GPR176: variants seen among roughly 807,000 people sequenced by gnomAD.
The protein encoded by GPR176 is G-protein coupled receptor 176.
Under a neutral mutation model 35.4 loss-of-function variants are expected in GPR176, and 26 were observed. The ratio of observed to expected loss-of-function variants is 0.74; its 90% confidence interval spans 0.54 to 1.02. GPR176 has a LOEUF of 1.02. GPR176 is among the 50% of genes least tolerant of loss of function. The pLI is 0.00. For synonymous variants in GPR176, 278 were observed against 271.3 expected (o/e 1.02, Z -0.24); for missense variants, 597 against 665.3 (o/e 0.90, Z 1.13).
intron 1 of GPR176, chr15:39,829,269 T>C: frequency 1.4e-6 from 2 of 1,435,858 alleles, no homozygotes; most frequent in Middle Eastern, 3.8e-4. Context: ...GACTCGGGCA[T>C]CAGAATGGAT....
chr15:39,917,770 G>A (rs1454621727), intron 1 of GPR176, among the ~76,000 whole-genome samples: 3 of 152,000 alleles, frequency 2.0e-5, no homozygotes, highest in Admixed American at 6.6e-5. Flanking sequence ...ACTCCCAGCC[G>A]GGCATAGTGG....
intron 1 of GPR176, among the ~76,000 whole-genome samples, chr15:39,866,468 C>T (rs2031833245): frequency 6.6e-6 from 1 of 152,128 alleles, no homozygotes; most frequent in African/African-American, 2.4e-5. Flanking sequence ...AACTTTTGAA[C>T]ACCGTACATC....
At chr15:39,896,890 TA>T (rs1202927122) in intron 1 of GPR176, among the ~76,000 whole-genome samples, 1 of 152,218 alleles carries the variant, frequency 6.6e-6, no homozygotes, top group Non-Finnish European at 1.5e-5. Flanking sequence ...GAGAGAGGAA[TA>T]GATTTGTGTG....
intron 1 of GPR176, among the ~76,000 whole-genome samples, chr15:39,915,336 C>T (rs2033698274): frequency 2.0e-5 from 3 of 152,150 alleles, no homozygotes; most frequent in Admixed American, 6.5e-5. Flanking sequence ...CTCTCTAGTT[C>T]CTTCTTATAA....
chr15:39,863,905 T>C (rs2031717425), intron 1 of GPR176, among the ~76,000 whole-genome samples: 1 of 152,164 alleles, frequency 6.6e-6, no homozygotes, highest in Non-Finnish European at 1.5e-5. Flanking sequence ...TGTATCCCCA[T>C]GGTTAAGCAA....
In GPR176 at chr15:39,799,138, A is replaced by T. The variant is rs1166919973; in HGVS notation, c.*1994T>A. The T allele has an allele frequency of 7.7e-6, 1 of 130,076 alleles. No individual in the cohort carries two copies. The highest frequency in any genetic ancestry group is 1.6e-5 in the Non-Finnish European group (1 of 62,258). The allele number at this position is 130,076 out of a possible 1,614,324, so 8.1% of individuals were successfully genotyped here. On this transcript the variant is annotated 3_prime_UTR_variant, in exon 3 of 3. Coordinates refer to ENST00000561100, the MANE Select transcript of GPR176 (RefSeq NM_007223.3). ...ACATATATAAGAAACATACCCAACC[A>T]GATTCTGCCTCATCAAAATTTATTA... is the stretch of plus-strand genomic sequence containing the variant.
rs1194277152 is a variant in GPR176 at position 39,919,894 on chromosome 15, T to C, written c.133A>G (p.Thr45Ala). The C allele has an allele frequency of 6.6e-7, 1 of 1,519,234 alleles. No homozygotes were observed. The highest frequency in any genetic ancestry group is 8.8e-7 in the Non-Finnish European group (1 of 1,137,222). The allele number at this position is 1,519,234 out of a possible 1,614,324, so 94.1% of individuals were successfully genotyped here. Reference protein sequence around the residue: ...GEAQLYRQFTTTVQVVIFIGS... With the variant: ...GEAQLYRQFTATVQVVIFIGS... Reference sequence around the variant, plus strand: ...ATGAAGATGACGACCTGCACGGTGGTGGTGAACTGGCGGTACAGCTGCGCC... The same window carrying C: ...ATGAAGATGACGACCTGCACGGTGGCGGTGAACTGGCGGTACAGCTGCGCC... Residue 45 changes from threonine to alanine, a missense_variant, in exon 1 of 3, where the codon ACC becomes GCC. Coordinates refer to ENST00000561100, the MANE Select transcript of GPR176 (RefSeq NM_007223.3).
chr15:39,895,661 CT>C (rs1595515228), intron 1 of GPR176, among the ~76,000 whole-genome samples: 1 of 151,956 alleles, frequency 6.6e-6, no homozygotes, highest in South Asian at 2.1e-4. Context: ...CTTATTTTCC[CT>C]TTTTTTAATG....
intron 1 of GPR176, among the ~76,000 whole-genome samples, chr15:39,846,839 C>T (rs1438289457): frequency 3.3e-5 from 5 of 151,814 alleles, no homozygotes; most frequent in Admixed American, 3.3e-4. Flanking sequence ...ACTGGGATAT[C>T]AGAAAGAAAA....
intron 1 of GPR176, among the ~76,000 whole-genome samples, chr15:39,875,324 A>G (rs1181968167): frequency 6.6e-6 from 1 of 152,254 alleles, no homozygotes; most frequent in Admixed American, 6.5e-5. Context: ...TCATGACAAT[A>G]CAAATTGGAA....
At chr15:39,894,911 A>AC (rs2033052534) in intron 1 of GPR176, among the ~76,000 whole-genome samples, 1 of 152,154 alleles carries the variant, frequency 6.6e-6, no homozygotes, top group Non-Finnish European at 1.5e-5. Flanking sequence ...GCGAGCCGAG[A>AC]TCACGCCACT....
chr15:39,811,745 T>A (rs1423437254), intron 1 of GPR176, among the ~76,000 whole-genome samples: 1 of 151,952 alleles, frequency 6.6e-6, no homozygotes, highest in Non-Finnish European at 1.5e-5. Flanking sequence ...TGAAACCCCG[T>A]CTCTACTAAA....
chr15:39,803,988 C>T (rs1202388261), intron 2 of GPR176, among the ~76,000 whole-genome samples: 4 of 150,896 alleles, frequency 2.7e-5, no homozygotes, highest in African/African-American at 9.9e-5. Context: ...CATGCTTTCA[C>T]ATTTTTTTTT....
intron 1 of GPR176, among the ~76,000 whole-genome samples, chr15:39,817,956 T>G (rs1336879930): frequency 6.6e-6 from 1 of 152,260 alleles, no homozygotes. Flanking sequence ...ATATTGTTCT[T>G]TAATCTATGC....
chr15:39,835,189 T>C (rs896158559), intron 1 of GPR176, among the ~76,000 whole-genome samples: 2 of 151,984 alleles, frequency 1.3e-5, no homozygotes, highest in Non-Finnish European at 2.9e-5. Context: ...GGTTAATTTT[T>C]GTATTTTTTT....
chr15:39,869,147 CT>C (rs1315254653), intron 1 of GPR176, among the ~76,000 whole-genome samples: 24 of 75,632 alleles, frequency 3.2e-4, no homozygotes, highest in South Asian at 1.2e-3. Flanking sequence ...CCCACAACTG[CT>C]TTTTAAAAAA....
At chr15:39,868,089 A>G (rs1448084354) in intron 1 of GPR176, among the ~76,000 whole-genome samples, 1 of 152,114 alleles carries the variant, frequency 6.6e-6, no homozygotes, top group Non-Finnish European at 1.5e-5. Context: ...AGGACCTTCT[A>G]CCATCATTAA....
At chr15:39,857,161 G>C (rs1232306300) in intron 1 of GPR176, among the ~76,000 whole-genome samples, 3 of 152,160 alleles carry the variant, frequency 2.0e-5, no homozygotes, top group Non-Finnish European at 2.9e-5. Flanking sequence ...TCCAGAAAAA[G>C]GTAGGATAAA....
intron 1 of GPR176, among the ~76,000 whole-genome samples, chr15:39,869,828 T>A (rs540335954): frequency 2.6e-4 from 40 of 152,292 alleles, no homozygotes; most frequent in Admixed American, 2.4e-3. Flanking sequence ...ATATTTTTTT[T>A]AAAATGTAGA....
Sources: gnomAD v4.1 joint callset for allele counts (sites outside exome capture counted in the v4.1 genomes callset) on GRCh38, gnomAD v4.1.1 for gene constraint, MANE v1.5 for transcripts, NCBI Gene and HGNC (gene_info 2026-07-23, HGNC 2026-07-21) for gene names.